HSD17B2: variants seen among roughly 807,000 people sequenced by gnomAD.
The protein encoded by HSD17B2 is hydroxysteroid 17-beta dehydrogenase 2.
Under a neutral mutation model 26.9 loss-of-function variants are expected in HSD17B2, and 32 were observed. The observed-to-expected ratio is 1.19, with a 90% CI of 0.90 to 1.60. The LOEUF is 1.60. Ranked by LOEUF, HSD17B2 falls within the 40% of genes most tolerant of loss-of-function variation. The probability of loss-of-function intolerance (pLI) is 0.00; values close to 1 mark genes in which losing one functional copy is unlikely to be tolerated. For missense variants in HSD17B2, 613 were observed against 468.6 expected, an observed-to-expected ratio of 1.31 and a Z score of -2.85; for synonymous variants, 246 against 186.7, an observed-to-expected ratio of 1.32 and a Z score of -2.59.
intron 4 of HSD17B2, chr16:82,095,949 G>C (rs552219294): frequency 2.0e-5 from 3 of 152,252 alleles, no homozygotes; most frequent in East Asian, 3.9e-4. Context: ...AGTTACCTTA[G>C]AGGAGATTAA....
chr16:82,043,690 A>AG, intron 1 of HSD17B2, among the ~76,000 whole-genome samples: 1 of 120,236 alleles, frequency 8.3e-6, no homozygotes, highest in African/African-American at 6.9e-5. Context: ...GTCTCAAAAA[A>AG]AAAAAAAAAA....
chr16:82,035,349 C>T lies in HSD17B2; in HGVS notation c.-76C>T, dbSNP rs1396947080. The T allele has an allele frequency of 1.4e-6, 2 of 1,430,362 alleles. No homozygotes were observed. Among genetic ancestry groups the T allele is most frequent in the African/African-American group, 1.4e-5 (1 of 71,048 alleles). 88.6% of individuals were successfully genotyped at this position (1,430,362 alleles called of 1,614,324 possible). A position where few individuals can be genotyped will look rare whatever the true frequency, so the allele number is the denominator to read the frequency against. On this transcript the variant is annotated 5_prime_UTR_variant, in exon 1 of 5. Coordinates refer to ENST00000199936, the MANE Select transcript of HSD17B2 (RefSeq NM_002153.3). ...TTCTTGACTCTCTGTTCACAGAACT[C>T]AGGCTGCCTCCAGCCAGCCTTTGCC...
At chr16:82,066,029 T>A (rs995420213) in intron 1 of HSD17B2, among the ~76,000 whole-genome samples, 2 of 152,172 alleles carry the variant, frequency 1.3e-5, no homozygotes, top group African/African-American at 4.8e-5. Flanking sequence ...GCACTGTGGA[T>A]CCAGAAGTTG....
chr16:82,095,420 C>G (rs1290944657), intron 4 of HSD17B2: 1 of 152,822 alleles, frequency 6.5e-6, no homozygotes, highest in Non-Finnish European at 1.5e-5. Context: ...CCAGGAGTCA[C>G]CGAAGCTAGC....
intron 4 of HSD17B2, chr16:82,091,346 G>C: frequency 2.6e-6 from 1 of 389,296 alleles, no homozygotes; most frequent in Non-Finnish European, 4.8e-6. Context: ...TGTCCATGCA[G>C]AGGGGCCAGC....
intron 1 of HSD17B2, among the ~76,000 whole-genome samples, chr16:82,051,781 G>A (rs752951982): frequency 1.3e-5 from 2 of 152,236 alleles, no homozygotes; most frequent in Non-Finnish European, 2.9e-5. Flanking sequence ...GTTAGTTGCA[G>A]CTTCTCAGCT....
chr16:82,068,183 G>A lies in HSD17B2; in HGVS notation c.279G>A (p.Gly93=). The change falls in exon 2 of 5, where the codon GGG becomes GGA. Residue 93 remains glycine, a synonymous_variant. Coordinates refer to ENST00000199936, the MANE Select transcript of HSD17B2 (RefSeq NM_002153.3). The part of the protein sequence containing the change: ...KAVLVTGGDC[G]LGHALCKYLD... ...GACCCTATGCAGGTGGTGATTGCGG[G>A]CTTGGCCATGCTTTGTGCAAGTATC... 2 of 1,614,130 alleles carry A rather than the reference G, an allele frequency of 1.2e-6. No homozygotes were observed. Among genetic ancestry groups the A allele is most frequent in the East Asian group, 2.2e-5 (1 of 44,868 alleles).
At position 82,098,503 on chromosome 16, in the gene HSD17B2, G is replaced by C. The variant is rs1241605540; in HGVS notation, c.*67G>C. 6 of 1,487,498 alleles carry C rather than the reference G, an allele frequency of 4.0e-6. No individual in the cohort carries two copies. Among genetic ancestry groups the C allele is most frequent in the Non-Finnish European group, 5.4e-6 (6 of 1,114,548 alleles). The allele number at this position is 1,487,498 out of a possible 1,614,324, so 92.1% of individuals were successfully genotyped here. On this transcript the variant is annotated 3_prime_UTR_variant, in exon 5 of 5. Coordinates refer to ENST00000199936, the MANE Select transcript of HSD17B2 (RefSeq NM_002153.3). The stretch of plus-strand genomic sequence containing the variant: ...AAATGAAAGGGAAACTGGGAAACTG[G>C]GTTTCTCATTAAAGTTGTTTCCCAC...
intron 1 of HSD17B2, among the ~76,000 whole-genome samples, chr16:82,036,129 C>G (rs1167507520): frequency 6.6e-6 from 1 of 152,124 alleles, no homozygotes. Context: ...TTGTCCCTTG[C>G]TGTTTTGAAA....
intron 1 of HSD17B2, among the ~76,000 whole-genome samples, chr16:82,066,661 T>TTTACATTTTTACATTTTATTTTA (rs1914579580): frequency 6.6e-6 from 1 of 152,174 alleles, no homozygotes; most frequent in Non-Finnish European, 1.5e-5. Context: ...TTTATTTTAT[T>TTTACATTTTTACATTTTATTTTA]TTTTTACATT....
chr16:82,055,580 A>C (rs1914241885), intron 1 of HSD17B2, among the ~76,000 whole-genome samples: 1 of 152,232 alleles, frequency 6.6e-6, no homozygotes, highest in African/African-American at 2.4e-5. Flanking sequence ...AATCAGCCCA[A>C]GTAGAATAGA....
intron 1 of HSD17B2, chr16:82,044,204 C>T (rs1051269143): frequency 1.3e-5 from 2 of 152,188 alleles, no homozygotes; most frequent in Non-Finnish European, 2.9e-5. Context: ...CCAGCTGGAA[C>T]TAAATGAGGT....
intron 4 of HSD17B2, 145 bp downstream of exon 4, chr16:82,091,184 T>C (rs1904684231): frequency 1.2e-6 from 1 of 818,448 alleles, no homozygotes; most frequent in Non-Finnish European, 2.1e-6. Flanking sequence ...TGAAAACAGG[T>C]TTGATTCAGT....
At chr16:82,089,304 C>T (rs1242141404) in intron 3 of HSD17B2, among the ~76,000 whole-genome samples, 1 of 152,132 alleles carries the variant, frequency 6.6e-6, no homozygotes, top group Non-Finnish European at 1.5e-5. Flanking sequence ...CAAGTTCATT[C>T]CCTTTTATGG....
chr16:82,077,792 G>GAAGAA (rs879508469), intron 3 of HSD17B2, among the ~76,000 whole-genome samples: 149 of 150,904 alleles, frequency 9.9e-4, no homozygotes, highest in African/African-American at 2.4e-3. Context: ...AGGAAGAAAG[G>GAAGAA]AAGAAAAGAA....
At chr16:82,097,292 GTATATATATA>G (rs1220182671) in intron 4 of HSD17B2, 5 of 149,468 alleles carry the variant, frequency 3.3e-5, no homozygotes, top group African/African-American at 7.4e-5. Context: ...GTGTGTGTGT[GTATATATATA>G]TACACATATA....
intron 1 of HSD17B2, among the ~76,000 whole-genome samples, chr16:82,038,492 G>C (rs190439699): frequency 5.1e-4 from 77 of 152,334 alleles, no homozygotes; most frequent in African/African-American, 1.5e-3. Flanking sequence ...TGGGATTACA[G>C]GCACGTGCTA....
At chr16:82,087,796 T>G (rs1904570145) in intron 3 of HSD17B2, among the ~76,000 whole-genome samples, 1 of 151,982 alleles carries the variant, frequency 6.6e-6, no homozygotes, top group African/African-American at 2.4e-5. Context: ...CTTCTTGCTG[T>G]GCTGTTCCAC....
intron 1 of HSD17B2, among the ~76,000 whole-genome samples, chr16:82,042,918 G>T (rs1171176464): frequency 2.6e-5 from 4 of 152,230 alleles, no homozygotes; most frequent in Non-Finnish European, 5.9e-5. Flanking sequence ...ACTGCATCTG[G>T]TCTCTTTCTT....
Sources: allele counts gnomAD v4.1 joint callset (sites outside exome capture counted in the v4.1 genomes callset), GRCh38; gene constraint gnomAD v4.1.1; transcripts MANE v1.5; gene names NCBI Gene and HGNC (gene_info 2026-07-23, HGNC 2026-07-21).